The following PCDH10 variants were observed in gnomAD, a reference collection of about 807,000 sequenced individuals.
The protein encoded by PCDH10 is protocadherin 10.
A neutral mutation model predicts 74.4 loss-of-function variants in PCDH10; 15 were observed. That is an observed-to-expected ratio of 0.20 (90% CI 0.13 to 0.31). The LOEUF (loss-of-function observed/expected upper bound fraction) is 0.31, where lower values mean the gene tolerates loss of function less well. Ranked by LOEUF, PCDH10 falls within the 10% of genes least tolerant of loss-of-function variation. PCDH10 has a pLI of 1.00. For missense variants in PCDH10, 1,260 were observed against 1,390.2 expected, an observed-to-expected ratio of 0.91 and a Z score of 1.49; for synonymous variants, 619 against 589.8, an observed-to-expected ratio of 1.05 and a Z score of -0.72.
chr4:133,164,475 C>T (rs1727038757), intron 4 of PCDH10, among the ~76,000 whole-genome samples: 1 of 151,874 alleles, frequency 6.6e-6, no homozygotes, highest in South Asian at 2.1e-4. Flanking sequence ...TATAGAAATA[C>T]ATTATTAATC....
Position 133,165,522 on chromosome 4 carries a change from G to C in PCDH10, c.3103+2240G>C, listed in dbSNP as rs1483030286. Among the ~76,000 whole-genome samples, 8 of 151,774 alleles carry C rather than the reference G, an allele frequency of 5.3e-5. No homozygotes were observed. The East Asian group carries it at 1.4e-3, about 26-fold the overall frequency. ...TCCTTTTTCATTCAGAATAGAAATA[G>C]TGTCATCTTCTAAGTCTAAAGTAAG... On this transcript the variant is annotated intron_variant, in intron 4 of 4. Transcript: ENST00000264360.
At chr4:133,164,049 G>A (rs756243025) in intron 4 of PCDH10, 13 of 455,646 alleles carry the variant, frequency 2.9e-5, no homozygotes, top group South Asian at 2.0e-4. Context: ...ATACATTGTA[G>A]TGACAACAAT....
chr4:133,187,328 T>C (rs1380353318), intron 4 of PCDH10, among the ~76,000 whole-genome samples: 2 of 152,104 alleles, frequency 1.3e-5, no homozygotes, highest in Non-Finnish European at 2.9e-5. Flanking sequence ...AACCTGAAGA[T>C]AATTTAACAT....
intron 4 of PCDH10, among the ~76,000 whole-genome samples, chr4:133,165,204 T>C (rs1727053351): frequency 1.3e-5 from 2 of 151,108 alleles, no homozygotes. Flanking sequence ...GGTTGACGTG[T>C]GACCTGTGGT....
intron 4 of PCDH10, among the ~76,000 whole-genome samples, chr4:133,186,049 ATTTG>A (rs1047346177): frequency 2.0e-5 from 3 of 152,140 alleles, no homozygotes; most frequent in South Asian, 2.1e-4. Context: ...TAAAATTTTA[ATTTG>A]TTTAAGTATT....
rs765513404 is a variant in PCDH10 at position 133,150,944 on chromosome 4, C to T, written c.804C>T (p.Leu268=). The T allele has an allele frequency of 5.0e-6, 8 of 1,613,960 alleles. No homozygotes were observed. The Admixed American group carries it at 5.0e-5, about 10-fold the overall frequency. The change falls in exon 1 of 5, where the codon CTC becomes CTT. Residue 268 remains leucine, a synonymous_variant. Coordinates refer to ENST00000264360, the MANE Select transcript of PCDH10 (RefSeq NM_032961.3). ...CAGAGAACTCTCCCCCAGGCACTCT[C>T]GTGATCCAGCTCAACGCCACCGACC... is the stretch of plus-strand genomic sequence containing the variant. The part of the protein sequence containing the change: ...SLPENSPPGT[L]VIQLNATDPD...
intron 4 of PCDH10, among the ~76,000 whole-genome samples, chr4:133,179,415 T>G (rs995389328): frequency 6.6e-6 from 1 of 152,198 alleles, no homozygotes; most frequent in Non-Finnish European, 1.5e-5. Context: ...CTTTTATACT[T>G]AAGCTCTGCC....
chr4:133,152,166 G>C lies in PCDH10; in HGVS notation c.2026G>C (p.Val676Leu), dbSNP rs1353683899. The C allele has an allele frequency of 6.4e-7, 1 of 1,568,874 alleles. No homozygotes were observed. The highest frequency in any genetic ancestry group is 1.2e-5 in the South Asian group (1 of 83,134). ...PPLSSTATLV[V>L]QLVDGAVEPQ... Reference sequence around the variant, plus strand: ...CCTTTCCTCCACCGCCACCCTGGTGGTTCAGCTGGTGGATGGCGCCGTGGA... The same window carrying C: ...CCTTTCCTCCACCGCCACCCTGGTGCTTCAGCTGGTGGATGGCGCCGTGGA... Residue 676 changes from valine to leucine, a missense_variant, in exon 1 of 5, where the codon GTT becomes CTT. By Grantham distance (32) the Val-to-Leu change is conservative. Transcript: ENST00000264360.
intron 2 of PCDH10, among the ~76,000 whole-genome samples, chr4:133,201,956 G>A (rs951758130): frequency 4.5e-4 from 69 of 151,768 alleles, no homozygotes; most frequent in African/African-American, 1.5e-3. Context: ...AGTGAAGAAG[G>A]CTTAGGGCAT....
At position 133,192,000 on chromosome 4, in the gene PCDH10, G is replaced by C. The variant is rs1453017406; in HGVS notation, c.*1840G>C. On this transcript the variant is annotated 3_prime_UTR_variant, in exon 5 of 5. Transcript: ENST00000264360. ...ACACACACACACACACACACACTTA[G>C]GTCCTGATATGTACATTTAGAGTGA... is the stretch of plus-strand genomic sequence containing the variant. 2.5e-5 allele frequency: 3 copies of C among 122,144 alleles called. No homozygotes were observed. The highest frequency in any genetic ancestry group is 1.3e-4 in the African/African-American group (3 of 23,822). 7.6% of individuals were successfully genotyped at this position (122,144 alleles called of 1,614,324 possible).
chr4:133,167,059 G>T (rs893577202), intron 4 of PCDH10, among the ~76,000 whole-genome samples: 1 of 151,232 alleles, frequency 6.6e-6, no homozygotes, highest in Non-Finnish European at 1.5e-5. Context: ...CATTCTGGTT[G>T]TCTCCTGACC....
intron 4 of PCDH10, among the ~76,000 whole-genome samples, chr4:133,180,438 G>A (rs143395178): frequency 8.5e-4 from 129 of 152,010 alleles, no homozygotes; most frequent in Admixed American, 1.6e-3. Context: ...TATTGCATAA[G>A]TTATATTTGT....
chr4:133,173,863 A>G (rs1214433213), intron 4 of PCDH10, among the ~76,000 whole-genome samples: 1 of 151,926 alleles, frequency 6.6e-6, no homozygotes, highest in Non-Finnish European at 1.5e-5. Flanking sequence ...GAGTATGAAA[A>G]TGTCAAATAT....
In PCDH10 at chr4:133,194,287, AT is replaced by A. The variant is rs1359326039; in HGVS notation, c.*4128del. On this transcript the variant is annotated 3_prime_UTR_variant, in exon 5 of 5. Coordinates refer to ENST00000264360, the MANE Select transcript of PCDH10 (RefSeq NM_032961.3). ...TACTCTCCAGATGTTTTTGAGTTGCATAAAAATCTTGCATTCATCATTCAAA... is the reference window on the plus strand; with the variant it reads ...TACTCTCCAGATGTTTTTGAGTTGCAAAAAATCTTGCATTCATCATTCAAA... The A allele has an allele frequency of 6.6e-6, 1 of 151,874 alleles. No individual in the cohort carries two copies. The highest frequency in any genetic ancestry group is 1.9e-4 in the East Asian group (1 of 5,200). The allele number at this position is 151,874 out of a possible 1,614,324, so 9.4% of individuals were successfully genotyped here.
rs201322323 is a variant in PCDH10 at position 133,152,111 on chromosome 4, G to A, written c.1971G>A (p.Val657=). The A allele has an allele frequency of 2.4e-5, 38 of 1,577,892 alleles. 1 individual carries two copies. The highest frequency in any genetic ancestry group is 3.4e-4 in the Middle Eastern group (2 of 5,896). Residue 657 remains valine (V), a synonymous_variant, in exon 1 of 5, where the codon GTG becomes GTA. Coordinates refer to ENST00000264360, the MANE Select transcript of PCDH10 (RefSeq NM_032961.3). ...ACCCCCAGCGGCCTTATGAGCTGGT[G>A]ATCGAGGTGCGCGACCATGGGCAGC... The part of the protein sequence containing the change: ...KRDPQRPYEL[V]IEVRDHGQPP...
At chr4:133,154,885 T>C (rs757212401) in intron 2 of PCDH10, 32 bp from the exon 3 acceptor site, 1 of 1,411,080 alleles carries the variant, frequency 7.1e-7, no homozygotes, top group Non-Finnish European at 1.0e-6. Flanking sequence ...TTCACCTTTT[T>C]TATTCTAATA....
At chr4:133,201,975 C>G (rs1214934143) in intron 2 of PCDH10, among the ~76,000 whole-genome samples, 1 of 151,740 alleles carries the variant, frequency 6.6e-6, no homozygotes, top group African/African-American at 2.4e-5. Flanking sequence ...ATTTGAGGCT[C>G]TCTTGGTTAT....
chr4:133,200,810 C>T (rs1210591422), intron 2 of PCDH10, among the ~76,000 whole-genome samples: 3 of 152,122 alleles, frequency 2.0e-5, no homozygotes, highest in East Asian at 1.9e-4. Flanking sequence ...TTTCCATTCT[C>T]TGTGTCTTAT....
intron 4 of PCDH10, among the ~76,000 whole-genome samples, chr4:133,164,819 C>G (rs1727044472): frequency 6.6e-6 from 1 of 150,824 alleles, no homozygotes; most frequent in Non-Finnish European, 1.5e-5. Flanking sequence ...AGAATCTGGT[C>G]TTTCATTTAG....
Sources: allele counts gnomAD v4.1 joint callset (sites outside exome capture counted in the v4.1 genomes callset), GRCh38; gene constraint gnomAD v4.1.1; transcripts MANE v1.5; gene names NCBI Gene and HGNC (gene_info 2026-07-23, HGNC 2026-07-21).